The following FER variants were observed in gnomAD, a reference collection of about 807,000 sequenced individuals.
FER encodes tyrosine-protein kinase Fer.
Under a neutral mutation model 111.0 loss-of-function variants are expected in FER, and 63 were observed. The ratio of observed to expected loss-of-function variants is 0.57; its 90% CI spans 0.46 to 0.70. The LOEUF is 0.70. Among genes scored for constraint, FER ranks in the 30% least tolerant of loss-of-function variants. The pLI is 0.00. For missense variants in FER, 914 were observed against 954.0 expected (o/e 0.96, Z 0.55); for synonymous variants, 327 against 313.9 (o/e 1.04, Z -0.44).
intron 3 of FER, among the ~76,000 whole-genome samples, chr5:108,827,566 AG>A (rs1222053503): frequency 7.2e-5 from 11 of 152,038 alleles, no homozygotes; most frequent in African/African-American, 2.7e-4. Flanking sequence ...TCTGTAATTA[AG>A]TAAGCTCTTC....
intron 17 of FER, among the ~76,000 whole-genome samples, chr5:109,174,424 T>C (rs1757467407): frequency 6.6e-6 from 1 of 151,958 alleles, no homozygotes; most frequent in Admixed American, 6.6e-5. Context: ...TGCCTTGTTT[T>C]TGTTTTTGTT....
chr5:109,058,540 T>C (rs1773932036), intron 16 of FER, among the ~76,000 whole-genome samples: 1 of 151,982 alleles, frequency 6.6e-6, no homozygotes, highest in Non-Finnish European at 1.5e-5. Context: ...TTTTTGGATT[T>C]ATGGTTGACC....
At chr5:108,875,274 CACT>C (rs1166120755) in intron 8 of FER, among the ~76,000 whole-genome samples, 1 of 152,044 alleles carries the variant, frequency 6.6e-6, no homozygotes, top group Non-Finnish European at 1.5e-5. Flanking sequence ...TGAAGCTGTG[CACT>C]TCCCATCACA....
At chr5:109,150,685 A>T (rs1431860230) in intron 17 of FER, among the ~76,000 whole-genome samples, 1 of 152,168 alleles carries the variant, frequency 6.6e-6, no homozygotes, top group Non-Finnish European at 1.5e-5. Context: ...ATATATCTTT[A>T]ACGTTATAGT....
chr5:108,975,327 T>A (rs72789333), intron 13 of FER, among the ~76,000 whole-genome samples: 17,573 of 152,102 alleles, frequency 0.12, 1,088 homozygotes, highest in Middle Eastern at 0.16. Context: ...AGATGATGGG[T>A]CAATAGGTGC....
At chr5:108,959,558 C>A (rs1581399979) in intron 13 of FER, among the ~76,000 whole-genome samples, 1 of 151,888 alleles carries the variant, frequency 6.6e-6, no homozygotes, top group East Asian at 1.9e-4. Context: ...TCAGTATTTG[C>A]TAGTATACAG....
intron 13 of FER, among the ~76,000 whole-genome samples, chr5:108,987,646 T>C (rs973074363): frequency 6.6e-6 from 1 of 152,190 alleles, no homozygotes; most frequent in African/African-American, 2.4e-5. Context: ...TAATTTTGTA[T>C]CCTGAAACTT....
chr5:108,902,537 A>G (rs1750184531), intron 10 of FER, among the ~76,000 whole-genome samples: 1 of 152,168 alleles, frequency 6.6e-6, no homozygotes, highest in Non-Finnish European at 1.5e-5. Flanking sequence ...TAAATGTCCA[A>G]GGGGGAAATA....
In FER at chr5:109,068,911, A is replaced by G. The variant is rs1455338167; in HGVS notation, c.1924+21713A>G. On this transcript the variant is annotated intron_variant, in intron 16 of 19. Coordinates refer to ENST00000281092, the MANE Select transcript of FER (RefSeq NM_005246.4). Reference sequence around the variant, plus strand: ...TTCTTGTAATGCCTAAATATTTCAGAATAAATGATATCCAACCTTTTGAAA... The same window carrying G: ...TTCTTGTAATGCCTAAATATTTCAGGATAAATGATATCCAACCTTTTGAAA... Among the ~76,000 whole-genome samples the G allele has an allele frequency of 2.0e-5, 3 of 152,374 alleles. No homozygotes were observed. In the East Asian group the frequency reaches 5.8e-4, roughly 29 times the overall value.
At chr5:109,069,160 T>C (rs962787493) in intron 16 of FER, among the ~76,000 whole-genome samples, 2 of 152,146 alleles carry the variant, frequency 1.3e-5, no homozygotes, top group Non-Finnish European at 2.9e-5. Flanking sequence ...GGAAAAATCA[T>C]ACAAATACAA....
chr5:108,956,622 C>A (rs1213197732), intron 12 of FER, among the ~76,000 whole-genome samples: 3 of 151,526 alleles, frequency 2.0e-5, no homozygotes, highest in African/African-American at 7.2e-5. Context: ...CCTTCTGTCA[C>A]TGAAATTTTT....
rs77890493 is a variant in FER at position 108,981,575 on chromosome 5, A to T, written c.1656+22228A>T. ...GCTGTGCATAGTCCTGAGACCTTAG[A>T]GATAGCTTTTGTAAGGCTTTAATCA... On this transcript the variant is annotated intron_variant, in intron 13 of 19. Coordinates refer to ENST00000281092, the MANE Select transcript of FER (RefSeq NM_005246.4). Among the ~76,000 whole-genome samples, 1,401 of 152,202 alleles carry T rather than the reference A, an allele frequency of 9.2e-3. 14 individuals are homozygous for T. The highest frequency in any genetic ancestry group is 0.017 in the Middle Eastern group (5 of 294).
chr5:109,021,484 T>G (rs1242411530), intron 13 of FER, among the ~76,000 whole-genome samples: 1 of 152,014 alleles, frequency 6.6e-6, no homozygotes, highest in Non-Finnish European at 1.5e-5. Flanking sequence ...TCTAACAACA[T>G]TTGCTAGAGG....
At chr5:109,106,182 T>C (rs1748898280) in intron 17 of FER, among the ~76,000 whole-genome samples, 1 of 152,188 alleles carries the variant, frequency 6.6e-6, no homozygotes, top group East Asian at 1.9e-4. Flanking sequence ...ACTAAGCTTA[T>C]ATTTAACATC....
At chr5:109,061,440 G>T (rs540127185) in intron 16 of FER, among the ~76,000 whole-genome samples, 1 of 152,094 alleles carries the variant, frequency 6.6e-6, no homozygotes, top group East Asian at 1.9e-4. Context: ...CATTTACAAA[G>T]AAACTATTAA....
At chr5:109,027,887 AT>A (rs1346690258) in intron 13 of FER, among the ~76,000 whole-genome samples, 3 of 152,194 alleles carry the variant, frequency 2.0e-5, no homozygotes, top group African/African-American at 7.2e-5. Context: ...ATTTTCAGTT[AT>A]TTTTATAGCT....
rs377180363 is a variant in FER, at chr5:108,753,997, C to T, written c.-206+5997C>T. Reference sequence around the variant, plus strand: ...TTCCACTGTGCAGTTTTCTAGCATGCGAGCTCTAATTCAGTCTCTCTCCTA... The same window carrying T: ...TTCCACTGTGCAGTTTTCTAGCATGTGAGCTCTAATTCAGTCTCTCTCCTA... On this transcript the variant is annotated intron_variant, in intron 1 of 19. Transcript: ENST00000281092. 3.1e-4 allele frequency among the ~76,000 whole-genome samples: 47 copies of T among 152,216 alleles called. 2 individuals are homozygous for T. In the East Asian group the frequency reaches 3.9e-3, roughly 13 times the overall value.
At chr5:109,070,368 G>T (rs1475203325) in intron 16 of FER, among the ~76,000 whole-genome samples, 1 of 151,888 alleles carries the variant, frequency 6.6e-6, no homozygotes, top group Admixed American at 6.6e-5. Flanking sequence ...TGAGGAAACA[G>T]TATATTTTGA....
intron 5 of FER, among the ~76,000 whole-genome samples, chr5:108,863,409 G>A (rs1763726590): frequency 6.6e-6 from 1 of 152,158 alleles, no homozygotes. Context: ...GTGAGCTGCT[G>A]CACCCAGGCA....
Sources: allele counts gnomAD v4.1 joint callset (sites outside exome capture counted in the v4.1 genomes callset), GRCh38; gene constraint gnomAD v4.1.1; transcripts MANE v1.5; gene names NCBI Gene and HGNC (gene_info 2026-07-23, HGNC 2026-07-21).